Variants in THNSL1 observed in about 807,000 individuals in gnomAD.
The protein encoded by THNSL1 is threonine synthase like 1.
Under a neutral mutation model 50.4 loss-of-function variants are expected in THNSL1, and 48 were observed. The observed-to-expected ratio is 0.95, with a 90% CI of 0.76 to 1.21. THNSL1 has a LOEUF of 1.21. THNSL1 is among the 50% of genes most tolerant of loss of function. The probability of loss-of-function intolerance (pLI) is 0.00; values close to 1 mark genes in which losing one functional copy is unlikely to be tolerated. For missense variants in THNSL1, 896 were observed against 871.7 expected (o/e 1.03, Z -0.35); for synonymous variants, 309 against 306.1 (o/e 1.01, Z -0.10).
Position 25,026,054 on chromosome 10 carries a change from T to C in THNSL1, c.*599T>C, listed in dbSNP as rs1440726221. ...ACACCACACATGGCTAATTTTTTTA[T>C]TTTTAATAGAGATGAGGTTTCGCCA... On this transcript the variant is annotated 3_prime_UTR_variant, in exon 3 of 3. Transcript: ENST00000376356. 6.5e-6 allele frequency: 1 copy of C among 153,586 alleles called. No homozygotes were observed. Among genetic ancestry groups the C allele is most frequent in the Non-Finnish European group, 1.5e-5 (1 of 68,194 alleles). 9.5% of individuals were successfully genotyped at this position (153,586 alleles called of 1,614,324 possible).
the THNSL1 span, among the ~76,000 whole-genome samples, chr10:24,956,465 A>AT: frequency 0.032 from 4,168 of 131,810 alleles, 183 homozygotes; most frequent in African/African-American, 0.11. Flanking sequence ...CATTTTATTT[A>AT]TTTTTTTTTT....
chr10:24,956,542 A>G, the THNSL1 span, among the ~76,000 whole-genome samples: 5 of 147,206 alleles, frequency 3.4e-5, no homozygotes, highest in Admixed American at 3.5e-4. Flanking sequence ...CATAATAGTT[A>G]TACATATTAT....
At position 25,024,095 on chromosome 10, in the gene THNSL1, G is replaced by A. The variant is rs966451857; in HGVS notation, c.872G>A (p.Arg291Lys). The A allele has an allele frequency of 6.2e-7, 1 of 1,614,186 alleles. No individual in the cohort carries two copies. Residue 291 changes from arginine (R) to lysine (K), a missense_variant, in exon 3 of 3, where the codon AGA becomes AAA. Physicochemically the swap from Arg to Lys is conservative, Grantham distance 26. Transcript: ENST00000376356. ...CTAGTAGGAGCAACCTACGTAGAAA[G>A]AGCACAGATACTGTTGGAAAGATGT... is the stretch of plus-strand genomic sequence containing the variant. ...KSLVGATYVE[R>K]AQILLERCIH... is the part of the protein sequence containing the mutation.
the THNSL1 span, among the ~76,000 whole-genome samples, chr10:24,965,554 A>G: frequency 2.6e-5 from 4 of 152,240 alleles, no homozygotes; most frequent in Non-Finnish European, 5.9e-5. Flanking sequence ...TTAGATGTCT[A>G]TGAATATGGA....
At chr10:24,980,845 T>G in the THNSL1 span, among the ~76,000 whole-genome samples, 2 of 152,062 alleles carry the variant, frequency 1.3e-5, no homozygotes, top group African/African-American at 4.8e-5. Context: ...GCCTCCTGAG[T>G]AGCTGGGACT....
chr10:24,955,035 T>C, the THNSL1 span, among the ~76,000 whole-genome samples: 2 of 152,200 alleles, frequency 1.3e-5, no homozygotes, highest in African/African-American at 2.4e-5. Context: ...AGAGGTTTAA[T>C]TGACTCACAG....
At chr10:24,997,189 C>T in the THNSL1 span, among the ~76,000 whole-genome samples, 1 of 151,958 alleles carries the variant, frequency 6.6e-6, no homozygotes, top group Non-Finnish European at 1.5e-5. Context: ...ATAGCCACCA[C>T]ACACTCCAGC....
chr10:24,961,779 T>A, the THNSL1 span, among the ~76,000 whole-genome samples: 1 of 152,216 alleles, frequency 6.6e-6, no homozygotes, highest in Non-Finnish European at 1.5e-5. Context: ...CCTAGACTAA[T>A]GAAAAGTTTA....
chr10:24,980,923 G>A, the THNSL1 span, among the ~76,000 whole-genome samples: 10 of 152,110 alleles, frequency 6.6e-5, no homozygotes, highest in African/African-American at 2.2e-4. Flanking sequence ...GTTTCACCAC[G>A]TTGGCCAGGC....
chr10:24,977,952 A>G, the THNSL1 span, among the ~76,000 whole-genome samples: 347 of 152,306 alleles, frequency 2.3e-3, 5 homozygotes, highest in African/African-American at 8.0e-3. Context: ...CTTCACAGAC[A>G]TCACTGACTT....
the THNSL1 span, chr10:24,982,296 T>G: frequency 6.6e-6 from 1 of 152,304 alleles, no homozygotes; most frequent in East Asian, 1.9e-4. Context: ...GTTTTCTGGG[T>G]GGAGGGAACC....
At chr10:24,984,381 A>G in the THNSL1 span, 2 of 1,548,836 alleles carry the variant, frequency 1.3e-6, no homozygotes, top group South Asian at 2.3e-5. Context: ...CATGCGCTGC[A>G]GAAAAAAAAA....
At chr10:25,016,202 G>A (rs915763864), upstream of THNSL1, 3 of 1,168,596 alleles carry the variant, frequency 2.6e-6, no homozygotes, top group East Asian at 4.0e-5. Flanking sequence ...GGAAGTGGCA[G>A]GCAGCACCGC....
the THNSL1 span, chr10:24,995,882 A>T: frequency 6.3e-7 from 1 of 1,589,118 alleles, no homozygotes; most frequent in African/African-American, 1.4e-5. Context: ...GTTAAATATA[A>T]CATTTCTTTG....
At chr10:25,012,474 C>G (rs979420651), upstream of THNSL1, among the ~76,000 whole-genome samples, 2 of 152,220 alleles carry the variant, frequency 1.3e-5, no homozygotes, top group African/African-American at 4.8e-5. Flanking sequence ...TGCCAGGTCA[C>G]AGGGACAGAG....
In THNSL1 at chr10:25,024,171, T is replaced by G; in HGVS notation, c.948T>G (p.Thr316=). 1.2e-6 allele frequency: 2 copies of G among 1,614,214 alleles called. No individual in the cohort carries two copies. The highest frequency in any genetic ancestry group is 1.7e-6 in the Non-Finnish European group (2 of 1,180,026). Residue 316 remains threonine, a synonymous_variant, in exon 3 of 3, where the codon ACT becomes ACG. Transcript: ENST00000376356. The stretch of plus-strand genomic sequence containing the variant: ...CCAGGTTGGGAGAAATGATTGAAAC[T>G]GCTTATGGGGAAAACTTTGCCTGCT... ...PAARLGEMIE[T]AYGENFACSK... is the part of the protein sequence containing the mutation.
At chr10:25,017,712 CA>C (rs1850635693) in intron 1 of THNSL1, among the ~76,000 whole-genome samples, 1 of 151,658 alleles carries the variant, frequency 6.6e-6, no homozygotes, top group South Asian at 2.1e-4. Context: ...GATTGTCTTC[CA>C]AAACATTTTA....
chr10:24,967,386 CT>C, the THNSL1 span, among the ~76,000 whole-genome samples: 240 of 152,278 alleles, frequency 1.6e-3, no homozygotes, highest in African/African-American at 4.9e-3. Flanking sequence ...TGATGAAAGG[CT>C]TTGGCTCTTA....
chr10:25,002,477 CAG>C, the THNSL1 span, among the ~76,000 whole-genome samples: 2 of 152,160 alleles, frequency 1.3e-5, no homozygotes, highest in African/African-American at 2.4e-5. Context: ...AATTTCTCTC[CAG>C]AGAGTATGCT....
Sources: gnomAD v4.1 joint callset for allele counts (sites outside exome capture counted in the v4.1 genomes callset) on GRCh38, gnomAD v4.1.1 for gene constraint, MANE v1.5 for transcripts, NCBI Gene and HGNC (gene_info 2026-07-23, HGNC 2026-07-21) for gene names.